The following C13orf46 variants were observed in gnomAD, a reference collection of about 807,000 sequenced individuals.
The protein encoded by C13orf46 is uncharacterized protein C13orf46.
At chr13:113,945,966 C>T in the C13orf46 span, among the ~76,000 whole-genome samples, 11,174 of 139,180 alleles carry the variant, frequency 0.08, 319 homozygotes, top group Non-Finnish European at 0.1. Context: ...AACCCACCGC[C>T]GCCCGTTCAC....
At chr13:113,929,937 G>A in the C13orf46 span, among the ~76,000 whole-genome samples, 1 of 152,356 alleles carries the variant, frequency 6.6e-6, no homozygotes, top group Admixed American at 6.5e-5. Context: ...AGGCTGTGGG[G>A]ATCTGCGTTC....
the C13orf46 span, among the ~76,000 whole-genome samples, chr13:113,947,238 A>G: frequency 1.3e-5 from 2 of 152,210 alleles, no homozygotes; most frequent in Non-Finnish European, 2.9e-5. Context: ...CCGTGGCTCC[A>G]GGACAAGCGT....
the C13orf46 span, among the ~76,000 whole-genome samples, chr13:113,931,401 T>C: frequency 6.6e-6 from 1 of 152,184 alleles, no homozygotes; most frequent in East Asian, 1.9e-4. Context: ...ACTTTCCAAA[T>C]AGTCCAGGCG....
At chr13:113,927,738 T>G in the C13orf46 span, 1 of 397,384 alleles carries the variant, frequency 2.5e-6, no homozygotes, top group Non-Finnish European at 4.4e-6. Context: ...TGAGGCCATG[T>G]GCGGTGTCAC....
chr13:113,949,747 G>A (rs1314966759), downstream of C13orf46, among the ~76,000 whole-genome samples: 1 of 152,176 alleles, frequency 6.6e-6, no homozygotes, highest in African/African-American at 2.4e-5. Flanking sequence ...GGACCTCGGT[G>A]CTCCCATCTG....
chr13:113,966,239 G>A (rs1013696246), intron 5 of C13orf46, among the ~76,000 whole-genome samples: 8 of 150,972 alleles, frequency 5.3e-5, no homozygotes, highest in Middle Eastern at 3.5e-3. Context: ...TGGGGATAGC[G>A]ATAGTGGTGA....
At chr13:113,971,640 G>A (rs1439738744) in intron 1 of C13orf46, among the ~76,000 whole-genome samples, 3 of 152,188 alleles carry the variant, frequency 2.0e-5, no homozygotes, top group African/African-American at 4.8e-5. Flanking sequence ...CCGTGAAGTC[G>A]GCCACCCCAC....
At chr13:113,947,098 G>A in the C13orf46 span, among the ~76,000 whole-genome samples, 1 of 152,268 alleles carries the variant, frequency 6.6e-6, no homozygotes, top group Non-Finnish European at 1.5e-5. Context: ...TACAGAAGGT[G>A]AGGTGGAGCG....
chr13:113,944,168 G>A, the C13orf46 span, among the ~76,000 whole-genome samples: 1 of 152,140 alleles, frequency 6.6e-6, no homozygotes, highest in Non-Finnish European at 1.5e-5. Flanking sequence ...AGGTGGCAGG[G>A]CTCATCTTGT....
At position 113,955,750 on chromosome 13, in the gene C13orf46, AGAG is replaced by A. The variant is rs2138973644; in HGVS notation, c.*1020_*1022del. ...AGAGACGAGGAGTAGTGTCTGGCAG[AGAG>A]GAGGAGCATCCGGCGGAGACGAGGA... On this transcript the variant is annotated 3_prime_UTR_variant, in exon 7 of 7. Coordinates refer to ENST00000636427, the MANE Select transcript of C13orf46 (RefSeq NM_001365455.2). 2.0e-5 allele frequency: 3 copies of A among 150,712 alleles called. No individual in the cohort carries two copies. The highest frequency in any genetic ancestry group is 3.3e-4 in the South Asian group (2 of 6,082). 9.3% of individuals were successfully genotyped at this position (150,712 alleles called of 1,614,324 possible). A position where few individuals can be genotyped will look rare whatever the true frequency, so the allele number is the denominator to read the frequency against.
chr13:113,945,601 GA>G, the C13orf46 span, among the ~76,000 whole-genome samples: 1 of 114,258 alleles, frequency 8.8e-6, no homozygotes, highest in Non-Finnish European at 1.8e-5. Context: ...GAGAAAGAAA[GA>G]AAGAAGAAAG....
At chr13:113,941,449 G>C in the C13orf46 span, among the ~76,000 whole-genome samples, 1 of 139,748 alleles carries the variant, frequency 7.2e-6, no homozygotes, top group South Asian at 2.5e-4. Flanking sequence ...GTGTGAGGCT[G>C]AGCGTTCGAG....
At chr13:113,958,653 G>A (rs939131246) in intron 6 of C13orf46, among the ~76,000 whole-genome samples, 6 of 152,364 alleles carry the variant, frequency 3.9e-5, no homozygotes, top group African/African-American at 9.6e-5. Context: ...CAGACGGCTC[G>A]CGGGCGACAG....
At chr13:113,935,655 C>T in the C13orf46 span, among the ~76,000 whole-genome samples, 254 of 152,376 alleles carry the variant, frequency 1.7e-3, no homozygotes, top group Non-Finnish European at 2.4e-3. Context: ...CAACACCACT[C>T]GGGTTACCCA....
chr13:113,953,472 C>A (rs1022390023), downstream of C13orf46, among the ~76,000 whole-genome samples: 1 of 152,304 alleles, frequency 6.6e-6, no homozygotes, highest in South Asian at 2.1e-4. Context: ...GACCCCCACC[C>A]CACCAGACAG....
At chr13:113,945,624 G>GA in the C13orf46 span, among the ~76,000 whole-genome samples, 1 of 126,324 alleles carries the variant, frequency 7.9e-6, no homozygotes, top group African/African-American at 3.0e-5. Context: ...AAGAAAGAAA[G>GA]AAAGAAAGAA....
At chr13:113,951,189 A>C (rs1423854531), downstream of C13orf46, among the ~76,000 whole-genome samples, 1 of 152,242 alleles carries the variant, frequency 6.6e-6, no homozygotes, top group East Asian at 1.9e-4. Flanking sequence ...GCGAATGCTC[A>C]GCTGGGGAGG....
chr13:113,967,576 G>A (rs1205323879), intron 4 of C13orf46, among the ~76,000 whole-genome samples, 188 bp from the exon 5 acceptor site: 1 of 152,154 alleles, frequency 6.6e-6, no homozygotes, highest in Non-Finnish European at 1.5e-5. Context: ...CAGAGCTGAC[G>A]GCAGTATGGA....
chr13:113,929,934 G>A, the C13orf46 span, among the ~76,000 whole-genome samples: 1 of 152,234 alleles, frequency 6.6e-6, no homozygotes, highest in Non-Finnish European at 1.5e-5. Context: ...AGGAGGCTGT[G>A]GGGATCTGCG....
Sources: allele counts gnomAD v4.1 joint callset (sites outside exome capture counted in the v4.1 genomes callset), GRCh38; gene constraint gnomAD v4.1.1; transcripts MANE v1.5; gene names NCBI Gene and HGNC (gene_info 2026-07-23, HGNC 2026-07-21).